The following CNTN1 variants were observed in gnomAD, a reference collection of about 807,000 sequenced individuals.
CNTN1 encodes the protein contactin 1.
In CNTN1, 38 loss-of-function variants were observed where a neutral mutation model predicts 126.4. The observed-to-expected ratio is 0.30, with a 90% CI of 0.23 to 0.39. The LOEUF is 0.39. CNTN1 is among the 10% of genes least tolerant of loss of function. The pLI, the probability that CNTN1 is intolerant of heterozygous loss-of-function variation, is 1.00. For synonymous variants in CNTN1, 413 were observed against 422.6 expected, an observed-to-expected ratio of 0.98 and a Z score of 0.28; for missense variants, 1,009 against 1,248.4, an observed-to-expected ratio of 0.81 and a Z score of 2.89.
intron 1 of CNTN1, among the ~76,000 whole-genome samples, chr12:40,842,243 A>G (rs1942313934): frequency 6.6e-6 from 1 of 152,106 alleles, no homozygotes; most frequent in South Asian, 2.1e-4. Context: ...CAAGTTTTCA[A>G]TAAATTTATA....
intron 16 of CNTN1, among the ~76,000 whole-genome samples, chr12:40,985,045 A>T (rs1308248417): frequency 6.6e-6 from 1 of 152,010 alleles, no homozygotes; most frequent in Non-Finnish European, 1.5e-5. Context: ...TTCAACTTGA[A>T]GAACTTTAAT....
At chr12:40,943,888 CTTA>C (rs1421275004) in intron 13 of CNTN1, 104 bp from the exon 14 acceptor site, 18 of 1,378,150 alleles carry the variant, frequency 1.3e-5, no homozygotes, top group Non-Finnish European at 1.8e-5. Flanking sequence ...GTGAAAACAT[CTTA>C]TTATTTTGCA....
At chr12:40,967,279 G>A (rs549688732) in intron 15 of CNTN1, among the ~76,000 whole-genome samples, 8 of 152,032 alleles carry the variant, frequency 5.3e-5, no homozygotes, top group Admixed American at 6.6e-5. Flanking sequence ...TCAGGAGTTC[G>A]AGACCAACCT....
At chr12:40,895,924 AT>A (rs60931034) in intron 1 of CNTN1, 58,822 of 145,610 alleles carry the variant, frequency 0.4, 13,481 homozygotes, top group African/African-American at 0.65. Flanking sequence ...TGCCCAGCTA[AT>A]TTTTTTTTTT....
intron 1 of CNTN1, among the ~76,000 whole-genome samples, chr12:40,696,793 A>G (rs11177863): frequency 6.6e-6 from 1 of 152,228 alleles, no homozygotes; most frequent in South Asian, 2.1e-4. Flanking sequence ...GACATCTAAA[A>G]TCATTAAAGA....
intron 1 of CNTN1, among the ~76,000 whole-genome samples, chr12:40,794,728 C>T (rs1437569622): frequency 6.6e-6 from 1 of 151,930 alleles, no homozygotes; most frequent in East Asian, 1.9e-4. Flanking sequence ...GACGGGAAAG[C>T]TTACTTCTAG....
intron 16 of CNTN1, 49 bp downstream of exon 16, chr12:40,981,116 C>A (rs764282187): frequency 3.4e-5 from 54 of 1,599,212 alleles, no homozygotes; most frequent in Non-Finnish European, 4.4e-5. Context: ...AAAGTGAATT[C>A]TTTTCTCAAA....
At chr12:40,782,685 G>C (rs1483314024) in intron 1 of CNTN1, among the ~76,000 whole-genome samples, 1 of 151,884 alleles carries the variant, frequency 6.6e-6, no homozygotes, top group Non-Finnish European at 1.5e-5. Context: ...TTATTTTGTT[G>C]ATAAGAGAAA....
At chr12:40,884,027 A>AAG (rs1943952941) in intron 1 of CNTN1, among the ~76,000 whole-genome samples, 2 of 151,610 alleles carry the variant, frequency 1.3e-5, no homozygotes, top group Non-Finnish European at 3.0e-5. Flanking sequence ...GCCACCTAAG[A>AAG]GAAATAATCA....
chr12:41,051,418 T>C (rs980592771), intron 23 of CNTN1, among the ~76,000 whole-genome samples: 1 of 152,028 alleles, frequency 6.6e-6, no homozygotes, highest in Non-Finnish European at 1.5e-5. Flanking sequence ...CCCAAAGTGC[T>C]GGGATTACAG....
chr12:40,954,748 T>G (rs1228942872), intron 14 of CNTN1, among the ~76,000 whole-genome samples: 2 of 151,956 alleles, frequency 1.3e-5, no homozygotes, highest in Non-Finnish European at 2.9e-5. Context: ...CAAATTAAAA[T>G]TAGCCAAAGG....
chr12:40,761,095 A>G (rs1263824406), intron 1 of CNTN1, among the ~76,000 whole-genome samples: 1 of 152,142 alleles, frequency 6.6e-6, no homozygotes, highest in Non-Finnish European at 1.5e-5. Context: ...TGTATTTCAT[A>G]GGTAATCTAT....
chr12:40,976,932 T>C (rs1947691092), intron 15 of CNTN1, among the ~76,000 whole-genome samples: 1 of 152,208 alleles, frequency 6.6e-6, no homozygotes, highest in African/African-American at 2.4e-5. Flanking sequence ...TTACTTTCTA[T>C]GTTGTCCTAT....
At chr12:40,715,503 T>C (rs575903075) in intron 1 of CNTN1, among the ~76,000 whole-genome samples, 1 of 152,274 alleles carries the variant, frequency 6.6e-6, no homozygotes, top group Non-Finnish European at 1.5e-5. Flanking sequence ...AACTTTTGCA[T>C]GAACTTGATA....
At chr12:40,880,074 TCAAGGAA>T (rs1943820284) in intron 1 of CNTN1, among the ~76,000 whole-genome samples, 2 of 152,168 alleles carry the variant, frequency 1.3e-5, no homozygotes, top group South Asian at 4.1e-4. Context: ...GAGTGTACTC[TCAAGGAA>T]CAAATTTATT....
intron 1 of CNTN1, among the ~76,000 whole-genome samples, chr12:40,815,809 T>C (rs548689367): frequency 4.7e-4 from 71 of 152,292 alleles, no homozygotes; most frequent in Middle Eastern, 3.4e-3. Flanking sequence ...CTCTAATTAT[T>C]TTGAGATATG....
At chr12:40,980,870 A>G in intron 15 of CNTN1, 39 bp from the exon 16 acceptor site, 1 of 1,595,808 alleles carries the variant, frequency 6.3e-7, no homozygotes. Context: ...GACTCACTAG[A>G]TGGAATTCAC....
At chr12:40,765,725 A>C (rs1393359482) in intron 1 of CNTN1, among the ~76,000 whole-genome samples, 1 of 152,240 alleles carries the variant, frequency 6.6e-6, no homozygotes, top group Non-Finnish European at 1.5e-5. Context: ...AAAAGATGGT[A>C]TAACACCCAT....
At chr12:40,867,684 A>G (rs1943346215) in intron 1 of CNTN1, among the ~76,000 whole-genome samples, 2 of 152,032 alleles carry the variant, frequency 1.3e-5, no homozygotes, top group Admixed American at 1.3e-4. Flanking sequence ...ATAATTTTTG[A>G]AGTTTTTCTG....
Sources: allele counts gnomAD v4.1 joint callset (sites outside exome capture counted in the v4.1 genomes callset), GRCh38; gene constraint gnomAD v4.1.1; transcripts MANE v1.5; gene names NCBI Gene and HGNC (gene_info 2026-07-23, HGNC 2026-07-21).